SGCZ: variants seen among roughly 807,000 people sequenced by gnomAD.
SGCZ encodes the protein sarcoglycan zeta.
Under a neutral mutation model 41.3 loss-of-function variants are expected in SGCZ, and 40 were observed. That is an observed-to-expected ratio of 0.97 (90% CI 0.75 to 1.26). The LOEUF (loss-of-function observed/expected upper bound fraction) is 1.26. Among genes scored for constraint, SGCZ ranks in the 50% most tolerant of loss-of-function variants. The pLI is 0.00. For synonymous variants in SGCZ, 206 were observed against 137.5 expected (o/e 1.50, Z -3.49); for missense variants, 552 against 369.8 (o/e 1.49, Z -4.04).
chr8:14,432,268 T>G, intron 2 of SGCZ, among the ~76,000 whole-genome samples: 1 of 152,104 alleles, frequency 6.6e-6, no homozygotes, highest in East Asian at 1.9e-4. Flanking sequence ...TGCAAAAATG[T>G]GGAAAAACCC....
chr8:14,738,949 A>G (rs17120181), intron 1 of SGCZ, among the ~76,000 whole-genome samples: 4,809 of 152,162 alleles, frequency 0.032, 149 homozygotes, highest in African/African-American at 0.075. Context: ...TGTAAATTTC[A>G]ACAACTATGA....
intron 5 of SGCZ, among the ~76,000 whole-genome samples, chr8:14,125,705 A>G (rs1346943757): frequency 1.3e-5 from 2 of 152,186 alleles, no homozygotes; most frequent in African/African-American, 4.8e-5. Context: ...AGCTGGAGGC[A>G]TCACACTACC....
chr8:14,443,559 GA>G (rs774613733), intron 2 of SGCZ, among the ~76,000 whole-genome samples: 10 of 152,160 alleles, frequency 6.6e-5, no homozygotes, highest in Non-Finnish European at 1.0e-4. Flanking sequence ...AAGCAATGGG[GA>G]AAGGATTTCC....
intron 1 of SGCZ, among the ~76,000 whole-genome samples, chr8:15,052,669 G>GA (rs1216012697): frequency 2.0e-5 from 3 of 151,178 alleles, no homozygotes; most frequent in Non-Finnish European, 4.4e-5. Context: ...TTCCTTGGAA[G>GA]AAAAAAAAAT....
At chr8:15,155,783 C>T (rs994161029) in intron 1 of SGCZ, among the ~76,000 whole-genome samples, 3 of 152,022 alleles carry the variant, frequency 2.0e-5, no homozygotes, top group South Asian at 2.1e-4. Flanking sequence ...GTGGGCTGAG[C>T]GTGGTGACTT....
At chr8:14,571,341 T>C (rs1804546528) in intron 1 of SGCZ, among the ~76,000 whole-genome samples, 1 of 152,182 alleles carries the variant, frequency 6.6e-6, no homozygotes, top group African/African-American at 2.4e-5. Context: ...AGCCAAACCA[T>C]ATCAACAATT....
In SGCZ at chr8:14,551,515, ATT is replaced by A. The variant is rs1491562985; in HGVS notation, c.234+3215_234+3216del. On this transcript the variant is annotated intron_variant, in intron 2 of 7. Transcript: ENST00000382080. ...TATATATATTATATATATTATATAT[ATT>A]ATATATAATATATATAATATATATA... Among the ~76,000 whole-genome samples, 13 of 9,258 alleles carry A rather than the reference ATT, an allele frequency of 1.4e-3. 2 individuals are homozygous for A. The highest frequency in any genetic ancestry group is 3.4e-3 in the African/African-American group (7 of 2,030). 6.1% of individuals were successfully genotyped at this position (9,258 alleles called of 152,430 possible).
intron 4 of SGCZ, among the ~76,000 whole-genome samples, chr8:14,187,109 T>C (rs988215664): frequency 1.3e-5 from 2 of 152,276 alleles, no homozygotes; most frequent in East Asian, 1.9e-4. Context: ...TGCCTAAGAC[T>C]GTACCCTCTG....
At chr8:14,435,817 T>G (rs775119429) in intron 2 of SGCZ, among the ~76,000 whole-genome samples, 17 of 152,224 alleles carry the variant, frequency 1.1e-4, no homozygotes, top group Non-Finnish European at 1.3e-4. Flanking sequence ...TCAATCATCG[T>G]ATTTATTTAA....
At chr8:14,820,436 C>T (rs1247671631) in intron 1 of SGCZ, among the ~76,000 whole-genome samples, 2 of 152,002 alleles carry the variant, frequency 1.3e-5, no homozygotes, top group Non-Finnish European at 2.9e-5. Context: ...CCACTTTCAT[C>T]TAGGAAAAAA....
chr8:15,224,507 G>A (rs865811082), intron 1 of SGCZ, among the ~76,000 whole-genome samples: 21 of 152,166 alleles, frequency 1.4e-4, no homozygotes, highest in Middle Eastern at 3.4e-3. Context: ...ACTACCATAC[G>A]TACCTCAAAT....
intron 1 of SGCZ, among the ~76,000 whole-genome samples, chr8:14,929,108 C>A (rs545702822): frequency 6.6e-6 from 1 of 152,282 alleles, no homozygotes; most frequent in Admixed American, 6.5e-5. Flanking sequence ...TCTCCTGCCT[C>A]AGCCTCCTGA....
intron 5 of SGCZ, among the ~76,000 whole-genome samples, chr8:14,110,210 T>C (rs1216208306): frequency 2.0e-5 from 3 of 152,076 alleles, no homozygotes; most frequent in Non-Finnish European, 4.4e-5. Context: ...CATTTGTATA[T>C]CTCAAAGAGA....
At chr8:14,796,909 C>A (rs1801151872) in intron 1 of SGCZ, among the ~76,000 whole-genome samples, 1 of 152,202 alleles carries the variant, frequency 6.6e-6, no homozygotes, top group Non-Finnish European at 1.5e-5. Flanking sequence ...ACTCAGCTAT[C>A]AGTCTCTTTC....
intron 2 of SGCZ, among the ~76,000 whole-genome samples, chr8:14,529,815 T>G (rs1803069539): frequency 6.6e-6 from 1 of 152,080 alleles, no homozygotes; most frequent in Non-Finnish European, 1.5e-5. Flanking sequence ...AAGCAGCCCC[T>G]TATTCTCATC....
At chr8:14,899,982 C>G (rs192501933) in intron 1 of SGCZ, among the ~76,000 whole-genome samples, 1 of 152,054 alleles carries the variant, frequency 6.6e-6, no homozygotes, top group Non-Finnish European at 1.5e-5. Flanking sequence ...AAAGGTTTAA[C>G]GTGGGGTGTT....
intron 1 of SGCZ, among the ~76,000 whole-genome samples, chr8:15,171,162 C>T (rs1389161577): frequency 6.6e-6 from 1 of 152,150 alleles, no homozygotes; most frequent in Non-Finnish European, 1.5e-5. Context: ...ATATAATCTG[C>T]TACCTACTCT....
intron 5 of SGCZ, among the ~76,000 whole-genome samples, chr8:14,126,389 T>G (rs1304200225): frequency 6.6e-6 from 1 of 152,120 alleles, no homozygotes; most frequent in Non-Finnish European, 1.5e-5. Context: ...AAACTCAACA[T>G]CACTGATTAG....
At chr8:14,815,981 C>T (rs1801891266) in intron 1 of SGCZ, among the ~76,000 whole-genome samples, 3 of 152,146 alleles carry the variant, frequency 2.0e-5, no homozygotes, top group African/African-American at 7.2e-5. Flanking sequence ...AGCCATTATA[C>T]AATTTTAAAT....
Sources: allele counts gnomAD v4.1 joint callset (sites outside exome capture counted in the v4.1 genomes callset), GRCh38; gene constraint gnomAD v4.1.1; transcripts MANE v1.5; gene names NCBI Gene and HGNC (gene_info 2026-07-23, HGNC 2026-07-21).